Variants in WDR70 observed in about 807,000 individuals in gnomAD.
WDR70 encodes the protein WD repeat domain 70, also known as WD repeat-containing protein 70.
WDR70 carries 53 observed loss-of-function variants against 88.6 expected under a neutral mutation model. The ratio of observed to expected loss-of-function variants is 0.60; its 90% CI spans 0.48 to 0.75. WDR70 has a LOEUF of 0.75. Among genes scored for constraint, WDR70 ranks in the 30% least tolerant of loss-of-function variants. The pLI is 0.00. For missense variants in WDR70, 610 were observed against 823.2 expected, an observed-to-expected ratio of 0.74 and a Z score of 3.17; for synonymous variants, 280 against 270.0, an observed-to-expected ratio of 1.04 and a Z score of -0.36.
intron 11 of WDR70, chr5:37,700,225 G>C (rs1747115273): frequency 6.6e-6 from 1 of 152,112 alleles, no homozygotes; most frequent in South Asian, 2.1e-4. Flanking sequence ...GTGGGCACTG[G>C]GGAGAAAGAA....
rs932961149 is a variant in WDR70, at chr5:37,423,371, A to G, written c.493-14551A>G. Among the ~76,000 whole-genome samples, 4 of 151,362 alleles carry G rather than the reference A, an allele frequency of 2.6e-5. No homozygotes were observed. The East Asian group carries it at 7.7e-4, about 29-fold the overall frequency. On this transcript the variant is annotated intron_variant, in intron 5 of 17. Coordinates refer to ENST00000265107, the MANE Select transcript of WDR70 (RefSeq NM_018034.4). ...TAATAAACAAAAACATTAAAAAAAA[A>G]AAAGAAGAAAAGGAAAAAACAAGGG...
At chr5:37,708,283 G>C (rs1006585447) in intron 13 of WDR70, among the ~76,000 whole-genome samples, 1 of 151,460 alleles carries the variant, frequency 6.6e-6, no homozygotes, top group Non-Finnish European at 1.5e-5. Context: ...TCAGTTTGAA[G>C]TATTATGATG....
At chr5:37,553,227 C>T (rs1742194869) in intron 9 of WDR70, among the ~76,000 whole-genome samples, 1 of 152,170 alleles carries the variant, frequency 6.6e-6, no homozygotes, top group African/African-American at 2.4e-5. Flanking sequence ...CTAACTTAAT[C>T]TTCAAGGCAT....
chr5:37,744,800 T>C (rs890322357), intron 17 of WDR70, among the ~76,000 whole-genome samples: 2 of 151,738 alleles, frequency 1.3e-5, no homozygotes, highest in Non-Finnish European at 2.9e-5. Flanking sequence ...AAAACGAACC[T>C]ATGATTGATT....
At chr5:37,482,125 AG>A (rs982105385) in intron 8 of WDR70, among the ~76,000 whole-genome samples, 4 of 152,160 alleles carry the variant, frequency 2.6e-5, no homozygotes, top group African/African-American at 9.7e-5. Context: ...ACAAGTCTCT[AG>A]GAAGTTCCAA....
intron 9 of WDR70, among the ~76,000 whole-genome samples, chr5:37,543,750 G>A (rs1489182153): frequency 1.3e-5 from 2 of 151,988 alleles, no homozygotes; most frequent in Non-Finnish European, 2.9e-5. Flanking sequence ...AAAGATTATA[G>A]TTTGTTGCAC....
At chr5:37,427,473 C>G (rs548533429) in intron 5 of WDR70, among the ~76,000 whole-genome samples, 4 of 152,034 alleles carry the variant, frequency 2.6e-5, no homozygotes, top group Non-Finnish European at 5.9e-5. Context: ...TATGTACATA[C>G]ATGTACATGT....
chr5:37,481,848 A>T, intron 8 of WDR70, among the ~76,000 whole-genome samples: 1 of 152,182 alleles, frequency 6.6e-6, no homozygotes, highest in Non-Finnish European at 1.5e-5. Context: ...CTGCTTAGAA[A>T]TGTCTTCTGG....
At chr5:37,723,113 C>A (rs1485671381) in intron 15 of WDR70, 179 bp downstream of exon 15, 1 of 652,810 alleles carries the variant, frequency 1.5e-6, no homozygotes, top group Non-Finnish European at 2.6e-6. Context: ...TTCTGTGACT[C>A]ATCACAGGGA....
At chr5:37,478,431 CTT>C (rs1476498002) in intron 7 of WDR70, among the ~76,000 whole-genome samples, 1 of 152,190 alleles carries the variant, frequency 6.6e-6, no homozygotes, top group Non-Finnish European at 1.5e-5. Context: ...GAAGTCAAAA[CTT>C]CATAGGACCA....
chr5:37,697,908 A>C (rs974006071), intron 11 of WDR70, 154 bp downstream of exon 11: 8 of 527,868 alleles, frequency 1.5e-5, no homozygotes, highest in African/African-American at 1.3e-4. Flanking sequence ...ATACATTTCT[A>C]ACTTTGCAAC....
intron 5 of WDR70, among the ~76,000 whole-genome samples, chr5:37,401,164 ATTTTTTTTTTTTTT>A (rs559450523): frequency 0.024 from 1,676 of 69,172 alleles, 40 homozygotes; most frequent in African/African-American, 0.084. Context: ...ACACCTAGCT[ATTTTTTTTTTTTTT>A]TTTTTTTTTT....
chr5:37,748,078 G>C (rs1748686517), intron 17 of WDR70, among the ~76,000 whole-genome samples: 1 of 152,170 alleles, frequency 6.6e-6, no homozygotes, highest in African/African-American at 2.4e-5. Flanking sequence ...GTAATTTATA[G>C]ATTCAATGCT....
intron 10 of WDR70, among the ~76,000 whole-genome samples, chr5:37,607,529 G>A (rs897442095): frequency 6.6e-6 from 1 of 152,110 alleles, no homozygotes; most frequent in African/African-American, 2.4e-5. Flanking sequence ...ATACATTTCT[G>A]TGTTCTCAAG....
intron 10 of WDR70, among the ~76,000 whole-genome samples, chr5:37,685,564 A>T (rs1398579072): frequency 6.6e-6 from 1 of 152,098 alleles, no homozygotes. Context: ...GATGGGCAAG[A>T]CTGCCCCTAC....
intron 7 of WDR70, among the ~76,000 whole-genome samples, chr5:37,476,358 T>C (rs1452110453): frequency 6.6e-6 from 1 of 152,190 alleles, no homozygotes; most frequent in Non-Finnish European, 1.5e-5. Flanking sequence ...TTTGCAGCTG[T>C]TTTCACGTAT....
At chr5:37,599,526 A>G (rs757301183) in intron 9 of WDR70, among the ~76,000 whole-genome samples, 1 of 152,246 alleles carries the variant, frequency 6.6e-6, no homozygotes, top group Non-Finnish European at 1.5e-5. Flanking sequence ...AAAGATGCCA[A>G]AACAATTCAA....
chr5:37,598,332 A>C (rs921979171), intron 9 of WDR70, among the ~76,000 whole-genome samples: 1 of 152,210 alleles, frequency 6.6e-6, no homozygotes, highest in African/African-American at 2.4e-5. Context: ...TATTTGGCTT[A>C]TTTAAAGTTC....
chr5:37,623,338 G>A (rs1410849021), intron 10 of WDR70, among the ~76,000 whole-genome samples: 1 of 151,882 alleles, frequency 6.6e-6, no homozygotes, highest in Non-Finnish European at 1.5e-5. Context: ...TCTAAATATT[G>A]GTGATTGCAG....
Sources: allele counts gnomAD v4.1 joint callset (sites outside exome capture counted in the v4.1 genomes callset), GRCh38; gene constraint gnomAD v4.1.1; transcripts MANE v1.5; gene names NCBI Gene and HGNC (gene_info 2026-07-23, HGNC 2026-07-21).